Variants in RAB1B observed in about 807,000 individuals in gnomAD.
The protein encoded by RAB1B is ras-related protein Rab-1B.
In RAB1B, 10 loss-of-function variants were observed where a neutral mutation model predicts 24.8. The observed-to-expected ratio is 0.40, with a 90% confidence interval of 0.25 to 0.68. The LOEUF is 0.68. Among genes scored for constraint, RAB1B ranks in the 30% least tolerant of loss-of-function variants. RAB1B has a pLI of 0.37. For missense variants in RAB1B, 154 were observed against 271.2 expected (o/e 0.57, Z 3.04); for synonymous variants, 99 against 111.7 (o/e 0.89, Z 0.72).
rs759927528 is a variant in RAB1B, at chr11:66,275,821, G to C, written c.297G>C (p.Val99=). ...CCCTTTAGGAATCCTACGCCAACGTGAAGCAGTGGCTGCAGGAGATTGACC... is the reference window on the plus strand; with the variant it reads ...CCCTTTAGGAATCCTACGCCAACGTCAAGCAGTGGCTGCAGGAGATTGACC... ...DVTDQESYAN[V]KQWLQEIDRY... Residue 99 remains valine, a synonymous_variant, in exon 5 of 6, where the codon GTG becomes GTC. Transcript: ENST00000311481. The C allele has an allele frequency of 6.3e-7, 1 of 1,587,530 alleles. No individual in the cohort carries two copies. Among genetic ancestry groups the C allele is most frequent in the Non-Finnish European group, 8.6e-7 (1 of 1,167,756 alleles).
At chr11:66,268,777 G>T in intron 1 of RAB1B, 84 bp downstream of exon 1, 1 of 1,366,570 alleles carries the variant, frequency 7.3e-7, no homozygotes, top group Non-Finnish European at 9.7e-7. Flanking sequence ...TCTGGCCCGG[G>T]TCAGGACTGT....
intron 4 of RAB1B, among the ~76,000 whole-genome samples, chr11:66,273,056 T>C (rs1441016644): frequency 1.3e-5 from 2 of 152,072 alleles, no homozygotes; most frequent in Non-Finnish European, 2.9e-5. Context: ...TCAGAAGAGG[T>C]CTGTGTTCCC....
Position 66,269,188 on chromosome 11 carries a change from C to T in RAB1B, c.14+495C>T, listed in dbSNP as rs936572158. On this transcript the variant is annotated intron_variant, in intron 1 of 5. Transcript: ENST00000311481. ...GAAGCTAGCCAACTACGCGGGAGGC[C>T]CCGAAGCGCCGCTTGGGTCGCGTCT... 4.6e-5 allele frequency among the ~76,000 whole-genome samples: 7 copies of T among 152,064 alleles called. No homozygotes were observed. In the East Asian group the frequency reaches 1.2e-3, roughly 25 times the overall value.
intron 4 of RAB1B, among the ~76,000 whole-genome samples, chr11:66,274,502 A>C (rs1418200325): frequency 6.6e-6 from 1 of 152,178 alleles, no homozygotes; most frequent in Non-Finnish European, 1.5e-5. Flanking sequence ...TCCCTGGCTC[A>C]GTGCACGTTC....
chr11:66,269,399 C>T (rs1857014478), intron 1 of RAB1B, among the ~76,000 whole-genome samples: 1 of 152,244 alleles, frequency 6.6e-6, no homozygotes, highest in Admixed American at 6.5e-5. Context: ...GGAATTTGCT[C>T]TCCCCCTTCC....
At chr11:66,268,803 C>G in intron 1 of RAB1B, 110 bp downstream of exon 1, 2 of 1,081,024 alleles carry the variant, frequency 1.9e-6, no homozygotes, top group Non-Finnish European at 2.4e-6. Flanking sequence ...GCCCCCACAT[C>G]CGGGTCCCTC....
intron 5 of RAB1B, 37 bp from the exon 6 acceptor site, chr11:66,276,007 C>T: frequency 1.3e-6 from 2 of 1,589,822 alleles, no homozygotes; most frequent in Non-Finnish European, 8.6e-7. Context: ...CTCCCCTCCT[C>T]TTCTCTCCCC....
intron 4 of RAB1B, 124 bp from the exon 5 acceptor site, chr11:66,275,680 A>C (rs923905831): frequency 1.9e-6 from 2 of 1,056,744 alleles, no homozygotes; most frequent in Non-Finnish European, 2.7e-6. Flanking sequence ...GCATCTCTGC[A>C]TCGCTGAGCC....
intron 4 of RAB1B, among the ~76,000 whole-genome samples, chr11:66,274,117 G>A (rs1857104011): frequency 6.6e-6 from 1 of 152,080 alleles, no homozygotes; most frequent in Non-Finnish European, 1.5e-5. Context: ...TGGGACTATA[G>A]ACACACACCA....
At position 66,276,372 on chromosome 11, in the gene RAB1B, T is replaced by A; in HGVS notation, c.*134T>A. 1.2e-6 allele frequency: 1 copy of A among 850,994 alleles called. No homozygotes were observed. Among genetic ancestry groups the A allele is most frequent in the Non-Finnish European group, 1.7e-6 (1 of 578,048 alleles). 52.7% of individuals were successfully genotyped at this position (850,994 alleles called of 1,614,324 possible). A position where few individuals can be genotyped will look rare whatever the true frequency, so the allele number is the denominator to read the frequency against. On this transcript the variant is annotated 3_prime_UTR_variant, in exon 6 of 6. Transcript: ENST00000311481. Reference sequence around the variant, plus strand: ...TTTGGGGTGTCCTGGGCTCCCCATCTCCTTCTGGCCCATCTGCCTGCTGCC... The same window carrying A: ...TTTGGGGTGTCCTGGGCTCCCCATCACCTTCTGGCCCATCTGCCTGCTGCC...
chr11:66,271,488 CAAAAAAAAAAAAA>C (rs71270565), intron 1 of RAB1B: 1 of 47,406 alleles, frequency 2.1e-5, no homozygotes, highest in Non-Finnish European at 4.0e-5. Context: ...AACTCAGTCT[CAAAAAAAAAAAAA>C]AAAAAAAAAA....
At position 66,271,667 on chromosome 11, in the gene RAB1B, T is replaced by TA. The variant is rs1857059948; in HGVS notation, c.15-130_15-129insA. ...GCCTGGGTGACAGAGTGAGACCTTATTGCTAAAAAAAAAATAAAAATAAAC... is the reference window on the plus strand; with the variant it reads ...GCCTGGGTGACAGAGTGAGACCTTATATGCTAAAAAAAAAATAAAAATAAAC... On this transcript the variant is annotated intron_variant, in intron 1 of 5. Coordinates refer to ENST00000311481, the MANE Select transcript of RAB1B (RefSeq NM_030981.3). 10 of 645,168 alleles carry TA rather than the reference T, an allele frequency of 1.5e-5. No individual in the cohort carries two copies. The South Asian group carries it at 1.8e-4, about 12-fold the overall frequency. The allele number at this position is 645,168 out of a possible 1,614,324, so 40.0% of individuals were successfully genotyped here. A position where few individuals can be genotyped will look rare whatever the true frequency, so the allele number is the denominator to read the frequency against.
intron 4 of RAB1B, 49 bp from the exon 5 acceptor site, chr11:66,275,755 A>G: frequency 6.5e-7 from 1 of 1,540,960 alleles, no homozygotes; most frequent in Non-Finnish European, 8.8e-7. Context: ...GGCCTGGGGT[A>G]GGGGTGACAG....
At position 66,276,176 on chromosome 11, in the gene RAB1B, G is replaced by A. The variant is rs778177996; in HGVS notation, c.544G>A (p.Glu182Lys). The change falls in exon 6 of 6, where the codon GAG becomes AAG. Residue 182 changes from glutamate to lysine, a missense_variant. This residue lies in a region of RAB1B where 77 missense variants were observed against 97.8 expected (regional missense o/e 0.79). Coordinates refer to ENST00000311481, the MANE Select transcript of RAB1B (RefSeq NM_030981.3). Reference sequence around the variant, plus strand: ...GGGGCCTGGAGCAGCCTCTGGGGGCGAGCGGCCCAATCTCAAGATCGACAG... The same window carrying A: ...GGGGCCTGGAGCAGCCTCTGGGGGCAAGCGGCCCAATCTCAAGATCGACAG... ...RMGPGAASGGERPNLKIDSTP... is the reference protein window; with the variant it reads ...RMGPGAASGGKRPNLKIDSTP... The A allele has an allele frequency of 7.5e-6, 12 of 1,608,112 alleles. No individual in the cohort carries two copies. Among genetic ancestry groups the A allele is most frequent in the South Asian group, 5.6e-5 (5 of 90,034 alleles).
In RAB1B at chr11:66,276,224, G is replaced by A. The variant is rs1355150015; in HGVS notation, c.592G>A (p.Gly198Ser). The stretch of plus-strand genomic sequence containing the variant: ...CAGCACCCCTGTAAAGCCGGCTGGC[G>A]GTGGCTGTTGCTAGGAGGGGCACAT... ...IDSTPVKPAG[G>S]GCC Residue 198 changes from glycine (G) to serine (S), a missense_variant, in exon 6 of 6, where the codon GGT becomes AGT. This residue lies in a region of RAB1B where 77 missense variants were observed against 97.8 expected (regional missense o/e 0.79). Coordinates refer to ENST00000311481, the MANE Select transcript of RAB1B (RefSeq NM_030981.3). 1.0e-5 allele frequency: 16 copies of A among 1,590,458 alleles called. No homozygotes were observed. Among genetic ancestry groups the A allele is most frequent in the African/African-American group, 2.7e-5 (2 of 73,514 alleles).
intron 4 of RAB1B, among the ~76,000 whole-genome samples, chr11:66,274,188 T>A (rs1857105191): frequency 6.6e-6 from 1 of 152,050 alleles, no homozygotes; most frequent in South Asian, 2.1e-4. Flanking sequence ...ACCAGAAAAC[T>A]CTTCCCTCCC....
chr11:66,268,802 T>A, intron 1 of RAB1B, 109 bp downstream of exon 1: 1 of 1,015,920 alleles, frequency 9.8e-7, no homozygotes, highest in South Asian at 2.8e-5. Context: ...CGCCCCCACA[T>A]CCGGGTCCCT....
At chr11:66,270,978 CTGTT>C (rs768778254) in intron 1 of RAB1B, 2 of 152,262 alleles carry the variant, frequency 1.3e-5, no homozygotes, top group Admixed American at 1.3e-4. Flanking sequence ...TTTGGGCTAG[CTGTT>C]TGTGGAGGGA....
chr11:66,275,618 G>A (rs1279618456), intron 4 of RAB1B, among the ~76,000 whole-genome samples, 186 bp from the exon 5 acceptor site: 2 of 152,144 alleles, frequency 1.3e-5, no homozygotes, highest in Non-Finnish European at 2.9e-5. Flanking sequence ...TCTGGGTCTC[G>A]GATGGAAGAG....
Sources: allele counts gnomAD v4.1 joint callset (sites outside exome capture counted in the v4.1 genomes callset), GRCh38; gene constraint gnomAD v4.1.1; regional missense constraint gnomAD v4.1.1; transcripts MANE v1.5; gene names NCBI Gene and HGNC (gene_info 2026-07-23, HGNC 2026-07-21).